Variants in PTPN3 observed in about 807,000 individuals in gnomAD.
PTPN3 encodes tyrosine-protein phosphatase non-receptor type 3.
A neutral mutation model predicts 132.7 loss-of-function variants in PTPN3; 96 were observed. The ratio of observed to expected loss-of-function variants is 0.72; its 90% CI spans 0.61 to 0.86. The LOEUF (loss-of-function observed/expected upper bound fraction) is 0.86, where lower values mean the gene tolerates loss of function less well. Ranked by LOEUF, PTPN3 falls within the 40% of genes least tolerant of loss-of-function variation. The probability of loss-of-function intolerance (pLI) is 0.00; values close to 1 mark genes in which losing one functional copy is unlikely to be tolerated. For missense variants in PTPN3, 1,125 were observed against 1,159.6 expected, an observed-to-expected ratio of 0.97 and a Z score of 0.43; for synonymous variants, 398 against 429.0, an observed-to-expected ratio of 0.93 and a Z score of 0.89.
chr9:109,488,081 A>C (rs1041508657), intron 1 of PTPN3, among the ~76,000 whole-genome samples: 3 of 143,072 alleles, frequency 2.1e-5, no homozygotes, highest in South Asian at 2.3e-4. Flanking sequence ...GGTCGGGGGG[A>C]GGAGGGAAGT....
chr9:109,536,124 A>C, the PTPN3 span, among the ~76,000 whole-genome samples: 5 of 152,072 alleles, frequency 3.3e-5, no homozygotes, highest in Non-Finnish European at 5.9e-5. Context: ...ATAATATTTG[A>C]CCTTTTGTCT....
chr9:109,514,490 C>T, the PTPN3 span, among the ~76,000 whole-genome samples: 5 of 152,156 alleles, frequency 3.3e-5, no homozygotes, highest in Admixed American at 1.3e-4. Context: ...TTAACACTAA[C>T]TCTATGCCAT....
At chr9:109,381,586 C>G in intron 25 of PTPN3, 66 bp downstream of exon 25, 11 of 1,583,706 alleles carry the variant, frequency 6.9e-6, no homozygotes, top group Non-Finnish European at 9.5e-6. Flanking sequence ...AAGCCCTTCT[C>G]TCAGGCCTGC....
Position 109,404,574 on chromosome 9 carries a change from A to G in PTPN3, c.1827T>C (p.Asp609=). The change falls in exon 19 of 26, where the codon GAT becomes GAC. Residue 609 remains aspartate, a synonymous_variant. Transcript: ENST00000374541. ...CTTCGGGGAAAAGCTGGTTCAGTTC[A>G]TCTTCAGACTTGAAGTCAGCAAATG... ...VRSFADFKSE[D]ELNQLFPEAI... 3 of 1,559,882 alleles carry G rather than the reference A, an allele frequency of 1.9e-6. No individual in the cohort carries two copies. Among genetic ancestry groups the G allele is most frequent in the Non-Finnish European group, 1.7e-6 (2 of 1,144,048 alleles).
intron 1 of PTPN3, among the ~76,000 whole-genome samples, chr9:109,488,187 C>T (rs369197057): frequency 6.8e-4 from 103 of 151,462 alleles, no homozygotes; most frequent in Non-Finnish European, 1.2e-3. Flanking sequence ...CCTCTGCCCC[C>T]ACACCCCAGG....
intron 1 of PTPN3, among the ~76,000 whole-genome samples, chr9:109,472,515 TCA>T (rs1299852995): frequency 6.6e-6 from 1 of 152,262 alleles, no homozygotes; most frequent in Non-Finnish European, 1.5e-5. Context: ...ATTAGTCATT[TCA>T]GTTTTCATTT....
At chr9:109,496,781 G>C (rs143681022) in intron 1 of PTPN3, among the ~76,000 whole-genome samples, 165 of 152,266 alleles carry the variant, frequency 1.1e-3, no homozygotes, top group Admixed American at 2.4e-3. Context: ...GGAACAACTG[G>C]GGAACAGGAA....
Position 109,385,162 on chromosome 9 carries a change from A to G in PTPN3, c.2254-1611T>C, listed in dbSNP as rs149254299. ...TTATTCCACAGTGAATCTGAGCAGT[A>G]CTAGACTCTCTCTTTACCTCTGACC... On this transcript the variant is annotated intron_variant, in intron 22 of 25. Transcript: ENST00000374541. Among the ~76,000 whole-genome samples, 287 of 152,358 alleles carry G rather than the reference A, an allele frequency of 1.9e-3. 1 individual carries two copies. Among genetic ancestry groups the G allele is most frequent in the Non-Finnish European group, 3.5e-3 (237 of 68,038 alleles).
At chr9:109,381,865 G>T in intron 24 of PTPN3, 78 bp from the exon 25 acceptor site, 1 of 1,547,932 alleles carries the variant, frequency 6.5e-7, no homozygotes, top group South Asian at 1.1e-5. Flanking sequence ...GTTCCCCGCT[G>T]ACTCCAAAGG....
intron 1 of PTPN3, among the ~76,000 whole-genome samples, chr9:109,463,711 T>TTA (rs1477542923): frequency 1.3e-5 from 2 of 152,258 alleles, no homozygotes; most frequent in African/African-American, 4.8e-5. Flanking sequence ...GTCTTCTAAT[T>TTA]TATATTTCCC....
intron 1 of PTPN3, among the ~76,000 whole-genome samples, chr9:109,483,559 G>C (rs1847064102): frequency 6.6e-6 from 1 of 152,168 alleles, no homozygotes; most frequent in Non-Finnish European, 1.5e-5. Context: ...GTGTGACCAT[G>C]GCTCAGCCTC....
At chr9:109,386,296 G>T (rs766223616) in intron 22 of PTPN3, among the ~76,000 whole-genome samples, 4 of 152,320 alleles carry the variant, frequency 2.6e-5, no homozygotes, top group Non-Finnish European at 2.9e-5. Flanking sequence ...CAAAGAAGGA[G>T]AGAGAGCACT....
At chr9:109,503,214 C>T (rs1847881283), upstream of PTPN3, among the ~76,000 whole-genome samples, 1 of 152,142 alleles carries the variant, frequency 6.6e-6, no homozygotes, top group African/African-American at 2.4e-5. Flanking sequence ...CAAAGAGTCA[C>T]CAGGCATGGT....
intron 1 of PTPN3, among the ~76,000 whole-genome samples, chr9:109,493,642 GCA>G (rs1054746957): frequency 1.3e-5 from 2 of 152,154 alleles, no homozygotes; most frequent in African/African-American, 4.8e-5. Flanking sequence ...CAAAGCAGTG[GCA>G]CACACATTCT....
At chr9:109,391,091 G>A (rs985005517) in intron 21 of PTPN3, 47 bp downstream of exon 21, 9 of 1,552,008 alleles carry the variant, frequency 5.8e-6, no homozygotes, top group Admixed American at 1.7e-5. Context: ...TCATCGTTGC[G>A]ACAGTGGTGA....
chr9:109,376,735 T>G lies in PTPN3; in HGVS notation c.*2821A>C, dbSNP rs1838585391. ...CTTCACTTAGGACTAAAAAAAGGCTTAAGTATAATTGCTTAAGTGTATAAG... is the reference window on the plus strand; with the variant it reads ...CTTCACTTAGGACTAAAAAAAGGCTGAAGTATAATTGCTTAAGTGTATAAG... On this transcript the variant is annotated 3_prime_UTR_variant, in exon 26 of 26. Transcript: ENST00000374541. The G allele has an allele frequency of 6.6e-6, 1 of 152,372 alleles. No individual in the cohort carries two copies. The highest frequency in any genetic ancestry group is 2.1e-4 in the South Asian group (1 of 4,828). 9.4% of individuals were successfully genotyped at this position (152,372 alleles called of 1,614,324 possible). A position where few individuals can be genotyped will look rare whatever the true frequency, so the allele number is the denominator to read the frequency against.
chr9:109,404,141 A>G (rs2131717052), intron 19 of PTPN3, among the ~76,000 whole-genome samples: 1 of 152,116 alleles, frequency 6.6e-6, no homozygotes, highest in East Asian at 1.9e-4. Flanking sequence ...TTTCTCCATG[A>G]CTACCAAATG....
the PTPN3 span, among the ~76,000 whole-genome samples, chr9:109,529,875 A>G: frequency 6.6e-6 from 1 of 152,188 alleles, no homozygotes; most frequent in African/African-American, 2.4e-5. Flanking sequence ...ATTTAAAGTT[A>G]CTAGATGCAT....
intron 14 of PTPN3, among the ~76,000 whole-genome samples, chr9:109,411,127 G>A (rs142735186): frequency 1.3e-5 from 2 of 152,216 alleles, no homozygotes; most frequent in African/African-American, 4.8e-5. Flanking sequence ...TCCCGTATGA[G>A]ACAGTGCAGT....
Sources: gnomAD v4.1 joint callset for allele counts (sites outside exome capture counted in the v4.1 genomes callset) on GRCh38, gnomAD v4.1.1 for gene constraint, MANE v1.5 for transcripts, NCBI Gene and HGNC (gene_info 2026-07-23, HGNC 2026-07-21) for gene names.